Variants in SH2D4B observed in about 807,000 individuals in gnomAD.
The protein encoded by SH2D4B is SH2 domain containing 4B.
In SH2D4B, 45 loss-of-function variants were observed where a neutral mutation model predicts 61.5. The observed-to-expected ratio is 0.73, with a 90% confidence interval of 0.58 to 0.94. The LOEUF (loss-of-function observed/expected upper bound fraction) is 0.94. Ranked by LOEUF, SH2D4B falls within the 40% of genes least tolerant of loss-of-function variation. The pLI, the probability that SH2D4B is intolerant of heterozygous loss-of-function variation, is 0.00. For missense variants in SH2D4B, 572 were observed against 574.2 expected, an observed-to-expected ratio of 1.00 and a Z score of 0.04; for synonymous variants, 224 against 220.4, an observed-to-expected ratio of 1.02 and a Z score of -0.14.
chr10:80,626,845 C>T (rs1842772565), intron 6 of SH2D4B, among the ~76,000 whole-genome samples: 2 of 152,224 alleles, frequency 1.3e-5, no homozygotes, highest in African/African-American at 4.8e-5. Context: ...TGGTATAGAA[C>T]AGAGAGAGCA....
At chr10:80,574,911 G>T (rs1310739286) in intron 3 of SH2D4B, among the ~76,000 whole-genome samples, 1 of 151,250 alleles carries the variant, frequency 6.6e-6, no homozygotes, top group Non-Finnish European at 1.5e-5. Context: ...ATGTTGGTCA[G>T]GCTGGTCTCG....
chr10:80,632,736 G>A (rs942837088), intron 6 of SH2D4B, among the ~76,000 whole-genome samples: 1 of 152,058 alleles, frequency 6.6e-6, no homozygotes, highest in African/African-American at 2.4e-5. Context: ...TTCCCTTCCG[G>A]TCCTCTTTTG....
intron 7 of SH2D4B, among the ~76,000 whole-genome samples, chr10:80,639,036 G>A (rs148080642): frequency 1.4e-3 from 211 of 152,170 alleles, no homozygotes; most frequent in African/African-American, 4.5e-3. Context: ...CCTTCTTTTC[G>A]TTATGTACCC....
intron 1 of SH2D4B, among the ~76,000 whole-genome samples, chr10:80,562,028 T>TACACACACACACACACAC: frequency 6.9e-6 from 1 of 144,504 alleles, no homozygotes; most frequent in Non-Finnish European, 1.5e-5. Flanking sequence ...CTCTTCCAAT[T>TACACACACACACACACAC]ACACACACAC....
At chr10:80,634,563 AAG>A in intron 7 of SH2D4B, 58 bp downstream of exon 7, 1 of 1,536,242 alleles carries the variant, frequency 6.5e-7, no homozygotes, top group Non-Finnish European at 8.8e-7. Flanking sequence ...ATTGGAGCTG[AAG>A]AGAGAGCTAG....
At chr10:80,564,393 C>T (rs912986355) in intron 1 of SH2D4B, among the ~76,000 whole-genome samples, 3 of 152,302 alleles carry the variant, frequency 2.0e-5, no homozygotes, top group Non-Finnish European at 2.9e-5. Context: ...ACCCATTAGC[C>T]GCACTTGCAA....
chr10:80,629,288 G>A (rs1842804005), intron 6 of SH2D4B, among the ~76,000 whole-genome samples: 2 of 152,150 alleles, frequency 1.3e-5, no homozygotes, highest in South Asian at 4.1e-4. Flanking sequence ...TAAACAACCA[G>A]ATCTCACAAG....
intron 1 of SH2D4B, among the ~76,000 whole-genome samples, chr10:80,542,304 C>G (rs879920160): frequency 3.9e-5 from 6 of 152,054 alleles, no homozygotes; most frequent in Non-Finnish European, 8.8e-5. Flanking sequence ...GTTCTCAGGG[C>G]CAGAGCTGGG....
chr10:80,576,087 G>A (rs1016656706), intron 3 of SH2D4B, among the ~76,000 whole-genome samples: 1 of 152,254 alleles, frequency 6.6e-6, no homozygotes, highest in Non-Finnish European at 1.5e-5. Context: ...CTGTGGAGCT[G>A]GAGTCCTGGG....
intron 1 of SH2D4B, among the ~76,000 whole-genome samples, chr10:80,544,724 C>A (rs921944423): frequency 6.6e-6 from 1 of 152,242 alleles, no homozygotes; most frequent in South Asian, 2.1e-4. Context: ...CCTGCCCACC[C>A]TACCTCAAGC....
chr10:80,558,085 T>A (rs923123957), intron 1 of SH2D4B, among the ~76,000 whole-genome samples: 12 of 152,260 alleles, frequency 7.9e-5, no homozygotes, highest in East Asian at 3.9e-4. Context: ...ATTTTTTTTT[T>A]AAAATTCATG....
chr10:80,615,395 C>G (rs1220314109), intron 6 of SH2D4B, among the ~76,000 whole-genome samples: 1 of 152,242 alleles, frequency 6.6e-6, no homozygotes, highest in African/African-American at 2.4e-5. Context: ...CTGGCTGTCT[C>G]TTTGCATATA....
intron 1 of SH2D4B, among the ~76,000 whole-genome samples, chr10:80,542,941 G>C (rs1841602301): frequency 6.6e-6 from 1 of 152,216 alleles, no homozygotes; most frequent in African/African-American, 2.4e-5. Context: ...CCAGCAGAGT[G>C]CTCTGAGCCC....
chr10:80,572,987 T>TATATATATATATA (rs1491317353), intron 3 of SH2D4B, among the ~76,000 whole-genome samples: 23 of 4,532 alleles, frequency 5.1e-3, no homozygotes, highest in Non-Finnish European at 7.8e-3. Context: ...TATATATATA[T>TATATATATATATA]TTTTTTTTTT....
intron 7 of SH2D4B, among the ~76,000 whole-genome samples, chr10:80,635,803 AT>A (rs1840155433): frequency 6.6e-6 from 1 of 151,968 alleles, no homozygotes; most frequent in Non-Finnish European, 1.5e-5. Context: ...TATTTTGTTC[AT>A]TTTTTAAATT....
At chr10:80,622,658 C>G (rs1017307893) in intron 6 of SH2D4B, among the ~76,000 whole-genome samples, 6 of 152,178 alleles carry the variant, frequency 3.9e-5, no homozygotes, top group Non-Finnish European at 5.9e-5. Flanking sequence ...TGCACTCACC[C>G]AGGGTTGGGG....
intron 1 of SH2D4B, among the ~76,000 whole-genome samples, chr10:80,559,212 T>C (rs930997575): frequency 5.9e-5 from 9 of 152,200 alleles, no homozygotes; most frequent in African/African-American, 2.2e-4. Context: ...TCCTACTCTC[T>C]TTTATCTTAT....
At chr10:80,580,317 G>C (rs1842173532) in intron 3 of SH2D4B, among the ~76,000 whole-genome samples, 1 of 152,214 alleles carries the variant, frequency 6.6e-6, no homozygotes, top group African/African-American at 2.4e-5. Context: ...GGTTAGCTGA[G>C]TCTACATATT....
intron 4 of SH2D4B, among the ~76,000 whole-genome samples, chr10:80,593,888 C>A (rs1176862480): frequency 6.6e-6 from 1 of 152,212 alleles, no homozygotes; most frequent in Non-Finnish European, 1.5e-5. Context: ...CAGCTCACTG[C>A]AGCGTCAACT....
Sources: gnomAD v4.1 joint callset for allele counts (sites outside exome capture counted in the v4.1 genomes callset) on GRCh38, gnomAD v4.1.1 for gene constraint, MANE v1.5 for transcripts, NCBI Gene and HGNC (gene_info 2026-07-23, HGNC 2026-07-21) for gene names.